The following PCDHGA6 variants were observed in gnomAD, a reference collection of about 807,000 sequenced individuals.
PCDHGA6 encodes protocadherin gamma subfamily A, 6.
In PCDHGA6, 41 loss-of-function variants were observed where a neutral mutation model predicts 60.6. The observed-to-expected ratio is 0.68, with a 90% confidence interval of 0.53 to 0.88. PCDHGA6 has a LOEUF of 0.88. Among genes scored for constraint, PCDHGA6 ranks in the 40% least tolerant of loss-of-function variants. The pLI, the probability that PCDHGA6 is intolerant of heterozygous loss-of-function variation, is 0.00. For missense variants in PCDHGA6, 1,312 were observed against 1,203.0 expected (o/e 1.09, Z -1.34); for synonymous variants, 594 against 524.4 (o/e 1.13, Z -1.81).
At chr5:141,460,088 A>C (rs1225262213) in intron 1 of PCDHGA6, among the ~76,000 whole-genome samples, 2 of 151,990 alleles carry the variant, frequency 1.3e-5, no homozygotes, top group Non-Finnish European at 2.9e-5. Flanking sequence ...AAAAATAATA[A>C]TTATACATGT....
At position 141,403,891 on chromosome 5, in the gene PCDHGA6, AT is replaced by A. The variant is rs757338627; in HGVS notation, c.2424+27388del. The A allele has an allele frequency of 3.1e-6, 5 of 1,613,870 alleles. No individual in the cohort carries two copies. In the Admixed American group the frequency reaches 6.7e-5, roughly 22 times the overall value. On this transcript the variant is annotated intron_variant, in intron 1 of 3. Transcript: ENST00000517434. Reference sequence around the variant, plus strand: ...AAAGTCTAGATTATGAAGAATGTTCATTTTATGAAATGGAAATACAAGCTGA... The same window carrying A: ...AAAGTCTAGATTATGAAGAATGTTCATTTATGAAATGGAAATACAAGCTGA...
At chr5:141,441,831 C>T in intron 1 of PCDHGA6, 3 of 352,742 alleles carry the variant, frequency 8.5e-6, no homozygotes, top group South Asian at 7.2e-5. Context: ...AGCGCAATGG[C>T]TTCGCGCTCT....
chr5:141,417,751 C>T, intron 1 of PCDHGA6: 1 of 1,427,514 alleles, frequency 7.0e-7, no homozygotes, highest in Non-Finnish European at 9.2e-7. Flanking sequence ...AGATTGCCAG[C>T]TCCGAGACCC....
intron 1 of PCDHGA6, among the ~76,000 whole-genome samples, chr5:141,453,827 C>T (rs2098775483): frequency 6.6e-6 from 1 of 152,320 alleles, no homozygotes; most frequent in South Asian, 2.1e-4. Flanking sequence ...AACTTGGCTG[C>T]TAGCCCTTCA....
intron 1 of PCDHGA6, among the ~76,000 whole-genome samples, chr5:141,482,530 CAA>C (rs3074545): frequency 2.5e-4 from 19 of 76,528 alleles, no homozygotes; most frequent in East Asian, 4.2e-4. Context: ...GACAGACATG[CAA>C]AAAAAAAAAA....
At chr5:141,401,861 G>A (rs934405271) in intron 1 of PCDHGA6, among the ~76,000 whole-genome samples, 3 of 152,122 alleles carry the variant, frequency 2.0e-5, no homozygotes, top group African/African-American at 7.2e-5. Context: ...TAACCTTTCA[G>A]TAGTTTTCTT....
At chr5:141,430,985 G>T (rs773308629) in intron 1 of PCDHGA6, 4 of 1,613,780 alleles carry the variant, frequency 2.5e-6, no homozygotes, top group Non-Finnish European at 3.4e-6. Flanking sequence ...GCAGCTTTTC[G>T]CCCTGAATCC....
At position 141,490,490 on chromosome 5, in the gene PCDHGA6, C is replaced by T; in HGVS notation, c.2425-4317C>T. 1 of 1,614,184 alleles carries T rather than the reference C, an allele frequency of 6.2e-7. No homozygotes were observed. The highest frequency in any genetic ancestry group is 8.5e-7 in the Non-Finnish European group (1 of 1,180,028). The stretch of plus-strand genomic sequence containing the variant: ...AGCCAGCCTTTGGACCGGGAGGCCA[C>T]ATCCCACTATATCATCGAGCTGCTG... On this transcript the variant is annotated intron_variant, in intron 1 of 3. Coordinates refer to ENST00000517434, the MANE Select transcript of PCDHGA6 (RefSeq NM_018919.3). The surrounding 1 kb of genome is among the most constrained non-coding windows in gnomAD (Gnocchi z 5.4).
intron 1 of PCDHGA6, chr5:141,403,552 G>A (rs1228068556): frequency 1.2e-6 from 2 of 1,613,892 alleles, no homozygotes; most frequent in African/African-American, 1.3e-5. Flanking sequence ...AGCGCGCCCT[G>A]GACAGGGAGG....
At chr5:141,399,048 G>C (rs779434482) in intron 1 of PCDHGA6, 7 of 1,613,830 alleles carry the variant, frequency 4.3e-6, no homozygotes, top group Non-Finnish European at 5.1e-6. Flanking sequence ...ATTTTGAAGA[G>C]ACCAAGGAAT....
At position 141,474,199 on chromosome 5, in the gene PCDHGA6, G is replaced by C. The variant is rs74540928; in HGVS notation, c.2425-20608G>C. Reference sequence around the variant, plus strand: ...AAAACTACTTACATTTTTAAAAGCTGATTTTCAAAAACCAGATTGTGAATT... The same window carrying C: ...AAAACTACTTACATTTTTAAAAGCTCATTTTCAAAAACCAGATTGTGAATT... On this transcript the variant is annotated intron_variant, in intron 1 of 3. Transcript: ENST00000517434. Among the ~76,000 whole-genome samples, 85 of 152,308 alleles carry C rather than the reference G, an allele frequency of 5.6e-4. 1 individual carries two copies. In the East Asian group the frequency reaches 0.016, roughly 29 times the overall value.
intron 1 of PCDHGA6, chr5:141,390,450 T>A: frequency 1.2e-6 from 1 of 822,586 alleles, no homozygotes; most frequent in Non-Finnish European, 1.9e-6. Context: ...AAAGGAGGAG[T>A]AAAGTAGGAG....
chr5:141,496,132 C>T (rs865808904), intron 2 of PCDHGA6, among the ~76,000 whole-genome samples: 1 of 152,058 alleles, frequency 6.6e-6, no homozygotes, highest in African/African-American at 2.4e-5. Flanking sequence ...CCCTCACACA[C>T]TGAGCCTTTG....
At chr5:141,495,270 G>A (rs1428903664) in intron 2 of PCDHGA6, among the ~76,000 whole-genome samples, 1 of 152,178 alleles carries the variant, frequency 6.6e-6, no homozygotes, top group African/African-American at 2.4e-5. Context: ...GCATTTGACC[G>A]GAGGAGGCGG....
rs564582881 is a variant in PCDHGA6, at chr5:141,432,735, C to T, written c.2424+56228C>T. ...CAGCCCCCTCTCTCCGCCACTGTCA[C>T]GCTCACCGTGGCCGTGGCCGACAGC... On this transcript the variant is annotated intron_variant, in intron 1 of 3. Coordinates refer to ENST00000517434, the MANE Select transcript of PCDHGA6 (RefSeq NM_018919.3). This position sits in a 1 kb window ranked among gnomAD's most constrained non-coding sequence, Gnocchi z 6.0. 2 of 1,614,094 alleles carry T rather than the reference C, an allele frequency of 1.2e-6. No individual in the cohort carries two copies. The highest frequency in any genetic ancestry group is 1.1e-5 in the South Asian group (1 of 91,086).
At position 141,385,291 on chromosome 5, in the gene PCDHGA6, C is replaced by T. The variant is rs375490912; in HGVS notation, c.2424+8784C>T. On this transcript the variant is annotated intron_variant, in intron 1 of 3. Coordinates refer to ENST00000517434, the MANE Select transcript of PCDHGA6 (RefSeq NM_018919.3). ...TTCTTTGCTAACATCCGTAGATTTT[C>T]AGGAATGTAAAGAAAACCTGCCAAG... 1.3e-5 allele frequency: 21 copies of T among 1,613,668 alleles called. No individual in the cohort carries two copies. In the African/African-American group the frequency reaches 2.7e-4, roughly 20 times the overall value.
intron 1 of PCDHGA6, chr5:141,389,301 A>T: frequency 6.2e-7 from 1 of 1,614,008 alleles, no homozygotes; most frequent in Non-Finnish European, 8.5e-7. Context: ...TTCACAAGTC[A>T]GGGCTTCTGA....
chr5:141,424,232 C>A (rs182055138), intron 1 of PCDHGA6: 1 of 158,642 alleles, frequency 6.3e-6, no homozygotes, highest in East Asian at 1.9e-4. Context: ...TATTTTGATT[C>A]TTGGTGGCTG....
chr5:141,400,502 A>C, intron 1 of PCDHGA6: 1 of 1,614,020 alleles, frequency 6.2e-7, no homozygotes, highest in Non-Finnish European at 8.5e-7. Flanking sequence ...AATTCCAGCG[A>C]GTCGACTTCC....
Sources: allele counts gnomAD v4.1 joint callset (sites outside exome capture counted in the v4.1 genomes callset), GRCh38; gene constraint gnomAD v4.1.1; non-coding constraint Gnocchi (gnomAD v3.1); transcripts MANE v1.5; gene names NCBI Gene and HGNC (gene_info 2026-07-23, HGNC 2026-07-21).